The following SAXO1 variants were observed in gnomAD, a reference collection of about 807,000 sequenced individuals.
SAXO1 encodes the protein stabilizer of axonemal microtubules 1, also known as 4930500O09Rik.
SAXO1 carries 21 observed loss-of-function variants against 17.5 expected under a neutral mutation model. That is an observed-to-expected ratio of 1.20 (90% CI 0.85 to 1.72). The LOEUF (loss-of-function observed/expected upper bound fraction) is 1.72, where lower values mean the gene tolerates loss of function less well. SAXO1 is among the 40% of genes most tolerant of loss of function. The probability of loss-of-function intolerance (pLI) is 0.00; values close to 1 mark genes in which losing one functional copy is unlikely to be tolerated. For synonymous variants in SAXO1, 274 were observed against 216.5 expected (o/e 1.27, Z -2.33); for missense variants, 843 against 596.0 (o/e 1.41, Z -4.32).
intron 1 of SAXO1, among the ~76,000 whole-genome samples, chr9:19,013,366 C>T (rs1183276211): frequency 6.6e-6 from 1 of 151,982 alleles, no homozygotes. Context: ...ATTAGATTGC[C>T]CTCTTGTGGG....
intron 1 of SAXO1, among the ~76,000 whole-genome samples, chr9:19,013,286 A>G (rs1405406344): frequency 3.9e-5 from 6 of 152,212 alleles, no homozygotes; most frequent in Admixed American, 2.6e-4. Flanking sequence ...GATCTTCACC[A>G]CTGCGGGGGT....
At chr9:18,979,269 C>A (rs1363635615) in intron 1 of SAXO1, among the ~76,000 whole-genome samples, 2 of 152,136 alleles carry the variant, frequency 1.3e-5, no homozygotes, top group African/African-American at 4.8e-5. Context: ...GAATATACTA[C>A]TAAAACAAGA....
At chr9:18,990,535 C>A (rs1401939221) in intron 1 of SAXO1, among the ~76,000 whole-genome samples, 9 of 152,178 alleles carry the variant, frequency 5.9e-5, no homozygotes, top group Non-Finnish European at 2.9e-5. Context: ...TGCACCACTA[C>A]ACTCAAGCCT....
chr9:18,971,560 G>C (rs1427057455), intron 1 of SAXO1, among the ~76,000 whole-genome samples: 1 of 152,044 alleles, frequency 6.6e-6, no homozygotes, highest in Non-Finnish European at 1.5e-5. Context: ...ACAAGCATGT[G>C]ATTCTTAGGG....
chr9:18,941,628 C>G lies in SAXO1; in HGVS notation c.421+9G>C. The G allele has an allele frequency of 1.2e-6, 2 of 1,614,056 alleles. No homozygotes were observed. The highest frequency in any genetic ancestry group is 1.7e-6 in the Non-Finnish European group (2 of 1,179,994). On this transcript the variant is annotated intron_variant, in intron 3 of 3. Transcript: ENST00000380534. ...CTTTCCCCCAATCTGCCCCTCTGTG[C>G]TCTCCCACCTTTATAAGTAGGCAAA...
chr9:19,027,448 G>C, intron 1 of SAXO1: 2 of 766,540 alleles, frequency 2.6e-6, no homozygotes, highest in South Asian at 2.9e-5. Context: ...GGAGGCCACT[G>C]TCTTGTCAAT....
intron 1 of SAXO1, among the ~76,000 whole-genome samples, chr9:18,970,056 G>T (rs1832889579): frequency 6.6e-6 from 1 of 152,210 alleles, no homozygotes; most frequent in Non-Finnish European, 1.5e-5. Flanking sequence ...GATGGGGGTT[G>T]TATGGCCTCT....
chr9:19,032,562 C>G (rs889609346), intron 1 of SAXO1, among the ~76,000 whole-genome samples: 1 of 152,224 alleles, frequency 6.6e-6, no homozygotes, highest in Non-Finnish European at 1.5e-5. Context: ...GCCAGGTGTT[C>G]TCCCTCCTTG....
intron 3 of SAXO1, among the ~76,000 whole-genome samples, chr9:18,937,510 T>C (rs189585284): frequency 6.6e-6 from 1 of 152,298 alleles, no homozygotes; most frequent in Admixed American, 6.5e-5. Context: ...CTTCAATTAA[T>C]AGAATAAAAG....
At chr9:18,943,645 A>G (rs1346226138) in intron 2 of SAXO1, among the ~76,000 whole-genome samples, 1 of 152,190 alleles carries the variant, frequency 6.6e-6, no homozygotes, top group Non-Finnish European at 1.5e-5. Flanking sequence ...GAAGGGATGG[A>G]CAGGTTTCAA....
intron 2 of SAXO1, among the ~76,000 whole-genome samples, chr9:18,942,628 T>C (rs1410727162): frequency 6.6e-6 from 1 of 152,228 alleles, no homozygotes; most frequent in Non-Finnish European, 1.5e-5. Flanking sequence ...GCGCCCCCAT[T>C]GTTTCAGGGA....
At chr9:18,936,377 T>G (rs1300884487) in intron 3 of SAXO1, among the ~76,000 whole-genome samples, 1 of 152,100 alleles carries the variant, frequency 6.6e-6, no homozygotes, top group Admixed American at 6.5e-5. Flanking sequence ...GCCCCCAGAC[T>G]CCTGGCCTTG....
At chr9:18,956,249 A>T (rs1274364415) in intron 1 of SAXO1, among the ~76,000 whole-genome samples, 2 of 151,744 alleles carry the variant, frequency 1.3e-5, no homozygotes, top group Non-Finnish European at 2.9e-5. Context: ...CATGACCAGC[A>T]TCAACTTTCA....
intron 3 of SAXO1, among the ~76,000 whole-genome samples, chr9:18,934,794 G>A (rs953623290): frequency 1.3e-5 from 2 of 152,198 alleles, no homozygotes; most frequent in African/African-American, 4.8e-5. Flanking sequence ...TCTGGATTCT[G>A]ATCCCCATTG....
chr9:18,970,139 G>T (rs1305730464), intron 1 of SAXO1, among the ~76,000 whole-genome samples: 2 of 152,210 alleles, frequency 1.3e-5, no homozygotes, highest in Admixed American at 6.5e-5. Context: ...TGTGTAAACA[G>T]TTGGATAAAT....
chr9:19,045,199 AC>A (rs1836179242), intron 1 of SAXO1, among the ~76,000 whole-genome samples: 1 of 149,956 alleles, frequency 6.7e-6, no homozygotes, highest in Non-Finnish European at 1.5e-5. Flanking sequence ...AGTCCCAGCT[AC>A]TCGGGAGGCT....
At chr9:18,987,130 G>A (rs1040569024) in intron 1 of SAXO1, among the ~76,000 whole-genome samples, 1 of 152,142 alleles carries the variant, frequency 6.6e-6, no homozygotes, top group Non-Finnish European at 1.5e-5. Flanking sequence ...GTGATTGTCA[G>A]GCACAGTCCT....
chr9:18,969,007 C>G (rs1258361210), intron 1 of SAXO1, among the ~76,000 whole-genome samples: 1 of 144,982 alleles, frequency 6.9e-6, no homozygotes, highest in Non-Finnish European at 1.5e-5. Context: ...TGGCAAAACC[C>G]TGATCATTGT....
At chr9:18,986,220 A>T (rs1833587381) in intron 1 of SAXO1, among the ~76,000 whole-genome samples, 1 of 151,908 alleles carries the variant, frequency 6.6e-6, no homozygotes, top group Non-Finnish European at 1.5e-5. Context: ...CCATTCATTT[A>T]TTCATTTAAC....
Sources: allele counts gnomAD v4.1 joint callset (sites outside exome capture counted in the v4.1 genomes callset), GRCh38; gene constraint gnomAD v4.1.1; transcripts MANE v1.5; gene names NCBI Gene and HGNC (gene_info 2026-07-23, HGNC 2026-07-21).